Variants in FSHR observed in about 807,000 individuals in gnomAD.
FSHR encodes the protein follicle-stimulating hormone receptor.
A neutral mutation model predicts 52.1 loss-of-function variants in FSHR; 46 were observed. The observed-to-expected ratio is 0.88, with a 90% CI of 0.70 to 1.13. The LOEUF is 1.13. FSHR is among the 50% of genes most tolerant of loss of function. FSHR has a pLI of 0.00. For synonymous variants in FSHR, 399 were observed against 309.6 expected (o/e 1.29, Z -3.03); for missense variants, 964 against 834.6 (o/e 1.16, Z -1.91).
intron 1 of FSHR, among the ~76,000 whole-genome samples, chr2:49,076,383 AATC>A: frequency 6.6e-6 from 1 of 152,316 alleles, no homozygotes; most frequent in Middle Eastern, 3.4e-3. Context: ...ATCTTTTTAA[AATC>A]ATCAGATGTC....
At chr2:49,116,298 C>T (rs1671598210) in intron 1 of FSHR, among the ~76,000 whole-genome samples, 1 of 152,134 alleles carries the variant, frequency 6.6e-6, no homozygotes, top group South Asian at 2.1e-4. Context: ...CTGAAGTTTT[C>T]TCCACTGCCA....
chr2:49,021,409 A>G (rs1319363462), intron 2 of FSHR, among the ~76,000 whole-genome samples: 2 of 152,202 alleles, frequency 1.3e-5, no homozygotes, highest in African/African-American at 4.8e-5. Context: ...ATGCAGTTTT[A>G]ATGCGGCAGC....
At chr2:49,039,603 T>G (rs1023049877) in intron 2 of FSHR, among the ~76,000 whole-genome samples, 1 of 152,252 alleles carries the variant, frequency 6.6e-6, no homozygotes, top group Non-Finnish European at 1.5e-5. Flanking sequence ...ACATGTTCCT[T>G]GCAGACTTCT....
intron 4 of FSHR, among the ~76,000 whole-genome samples, chr2:49,000,137 A>C (rs185623363): frequency 6.6e-6 from 1 of 152,198 alleles, no homozygotes; most frequent in East Asian, 1.9e-4. Flanking sequence ...TTTACTCTCC[A>C]CCACCAAGTT....
intron 1 of FSHR, among the ~76,000 whole-genome samples, chr2:49,124,544 T>C (rs1038293566): frequency 2.0e-5 from 3 of 152,120 alleles, no homozygotes; most frequent in Non-Finnish European, 2.9e-5. Flanking sequence ...TGGGAAACTG[T>C]AGCTCCATTT....
intron 1 of FSHR, among the ~76,000 whole-genome samples, chr2:49,114,789 G>A (rs1013896976): frequency 5.3e-5 from 8 of 152,006 alleles, no homozygotes; most frequent in Non-Finnish European, 1.0e-4. Context: ...AAATAAAGCA[G>A]AAATTGTTGG....
intron 9 of FSHR, among the ~76,000 whole-genome samples, chr2:48,964,311 A>G (rs1284821353): frequency 1.3e-5 from 2 of 152,104 alleles, no homozygotes; most frequent in African/African-American, 2.4e-5. Context: ...TCCCATCTTG[A>G]TCCAGCTATC....
chr2:49,001,395 T>A (rs1400030836), intron 4 of FSHR, among the ~76,000 whole-genome samples: 1 of 152,160 alleles, frequency 6.6e-6, no homozygotes, highest in African/African-American at 2.4e-5. Flanking sequence ...GTTGCTTCCA[T>A]CATACTGCAT....
At chr2:49,090,865 C>T (rs1414808374) in intron 1 of FSHR, among the ~76,000 whole-genome samples, 3 of 151,998 alleles carry the variant, frequency 2.0e-5, no homozygotes, top group Non-Finnish European at 4.4e-5. Context: ...TACATTGTTT[C>T]CTTAGTGCTG....
At chr2:48,999,473 C>T (rs1034690020) in intron 4 of FSHR, among the ~76,000 whole-genome samples, 1 of 151,954 alleles carries the variant, frequency 6.6e-6, no homozygotes. Context: ...ATGAGAGTTG[C>T]CCAAGAAGAA....
intron 2 of FSHR, among the ~76,000 whole-genome samples, chr2:49,040,970 G>T (rs984369809): frequency 1.3e-5 from 2 of 152,188 alleles, no homozygotes; most frequent in Non-Finnish European, 2.9e-5. Flanking sequence ...ATAGGAATGG[G>T]ATAGATGGTT....
chr2:49,012,351 C>T (rs1425034579), intron 4 of FSHR, among the ~76,000 whole-genome samples: 2 of 152,126 alleles, frequency 1.3e-5, no homozygotes, highest in South Asian at 4.2e-4. Context: ...TAAAAAAATC[C>T]ACCCAGATGA....
chr2:49,041,556 T>C (rs1443175545), intron 2 of FSHR, among the ~76,000 whole-genome samples: 1 of 152,196 alleles, frequency 6.6e-6, no homozygotes, highest in East Asian at 1.9e-4. Context: ...AGTCTTCATG[T>C]TATTTGATTG....
chr2:49,028,026 G>A (rs1667969494), intron 2 of FSHR, among the ~76,000 whole-genome samples: 1 of 152,130 alleles, frequency 6.6e-6, no homozygotes. Context: ...TGGATATGCT[G>A]TGTAGAGGAG....
intron 1 of FSHR, among the ~76,000 whole-genome samples, chr2:49,104,053 GA>G (rs1671136606): frequency 1.3e-5 from 2 of 152,068 alleles, no homozygotes; most frequent in Admixed American, 6.6e-5. Context: ...AGGCTTGGGG[GA>G]GATGATAGTA....
rs953342112 is a variant in FSHR at position 49,097,548 on chromosome 2, A to T, written c.153-29258T>A. On this transcript the variant is annotated intron_variant, in intron 1 of 9. Transcript: ENST00000406846. ...GAACTACTGTGCTAGAGAGCTAAGA[A>T]GGAATGAAGTGAAGATTTTCAAACC... Among the ~76,000 whole-genome samples, 5 of 152,320 alleles carry T rather than the reference A, an allele frequency of 3.3e-5. No individual in the cohort carries two copies. In the East Asian group the frequency reaches 9.6e-4, roughly 29 times the overall value.
chr2:48,968,644 G>A (rs1674587449), intron 9 of FSHR, 54 bp downstream of exon 9: 1 of 1,582,530 alleles, frequency 6.3e-7, no homozygotes, highest in Non-Finnish European at 8.7e-7. Flanking sequence ...AGAAATTGTG[G>A]ACAAAGTTCT....
intron 1 of FSHR, among the ~76,000 whole-genome samples, chr2:49,138,433 C>G (rs1672560815): frequency 6.6e-6 from 1 of 151,964 alleles, no homozygotes; most frequent in South Asian, 2.1e-4. Flanking sequence ...TCATCATAGC[C>G]CAAAAGTGAA....
intron 4 of FSHR, among the ~76,000 whole-genome samples, chr2:49,013,529 A>T (rs570592211): frequency 7.0e-5 from 10 of 142,366 alleles, no homozygotes; most frequent in East Asian, 2.0e-4. Flanking sequence ...TATATATAAA[A>T]ATATATATAT....
Sources: allele counts gnomAD v4.1 joint callset (sites outside exome capture counted in the v4.1 genomes callset), GRCh38; gene constraint gnomAD v4.1.1; transcripts MANE v1.5; gene names NCBI Gene and HGNC (gene_info 2026-07-23, HGNC 2026-07-21).